The following BTG4 variants were observed in gnomAD, a reference collection of about 807,000 sequenced individuals.
The protein encoded by BTG4 is BTG anti-proliferation factor 4.
Under a neutral mutation model 19.3 loss-of-function variants are expected in BTG4, and 10 were observed. The observed-to-expected ratio is 0.52, with a 90% CI of 0.32 to 0.88. BTG4 has a LOEUF of 0.88. Among genes scored for constraint, BTG4 ranks in the 40% least tolerant of loss-of-function variants. The pLI, the probability that BTG4 is intolerant of heterozygous loss-of-function variation, is 0.04. For missense variants in BTG4, 238 were observed against 281.9 expected (o/e 0.84, Z 1.11); for synonymous variants, 91 against 95.7 (o/e 0.95, Z 0.29).
the BTG4 span, among the ~76,000 whole-genome samples, chr11:111,388,623 C>T: frequency 8.0e-4 from 122 of 152,292 alleles, 1 homozygote; most frequent in East Asian, 0.022. Flanking sequence ...CAGAAACAAT[C>T]GCATTCCTGT....
intron 4 of BTG4, among the ~76,000 whole-genome samples, chr11:111,495,913 GAA>G (rs1005439141): frequency 2.0e-5 from 3 of 152,008 alleles, no homozygotes; most frequent in Admixed American, 6.5e-5. Context: ...TAAGACTGAG[GAA>G]AAAAATGGCT....
At chr11:111,471,754 G>A (rs376014457) in intron 5 of BTG4, among the ~76,000 whole-genome samples, 17 of 152,224 alleles carry the variant, frequency 1.1e-4, no homozygotes, top group African/African-American at 3.9e-4. Context: ...ACCTCCAACT[G>A]TTTATTGGCC....
the BTG4 span, chr11:111,418,257 C>T: frequency 1.3e-5 from 2 of 152,186 alleles, no homozygotes; most frequent in African/African-American, 2.4e-5. Context: ...CTGGAAGGGA[C>T]TTTAAGAGAG....
chr11:111,413,435 G>C, the BTG4 span, among the ~76,000 whole-genome samples: 1 of 152,256 alleles, frequency 6.6e-6, no homozygotes, highest in Non-Finnish European at 1.5e-5. Context: ...TGCCCACATA[G>C]CAGTAGACTC....
intron 5 of BTG4, among the ~76,000 whole-genome samples, chr11:111,480,022 T>C (rs1864636304): frequency 6.6e-6 from 1 of 152,026 alleles, no homozygotes; most frequent in Admixed American, 6.6e-5. Flanking sequence ...ATGCAAATAG[T>C]CTAGAAACAC....
At chr11:111,405,632 G>A in the BTG4 span, among the ~76,000 whole-genome samples, 2 of 152,066 alleles carry the variant, frequency 1.3e-5, no homozygotes, top group East Asian at 1.9e-4. Context: ...GCCACTGCCA[G>A]AGTTCAGGGA....
chr11:111,449,482 T>C, the BTG4 span: 1 of 152,278 alleles, frequency 6.6e-6, no homozygotes, highest in Non-Finnish European at 1.5e-5. Context: ...GAATGACCAC[T>C]GTGCCCACGA....
At chr11:111,481,963 T>A (rs934976481) in intron 5 of BTG4, among the ~76,000 whole-genome samples, 4 of 151,576 alleles carry the variant, frequency 2.6e-5, no homozygotes, top group Admixed American at 6.6e-5. Context: ...AGCCAAAAGT[T>A]ACACCCATGA....
intron 5 of BTG4, among the ~76,000 whole-genome samples, chr11:111,479,698 G>C (rs866445116): frequency 6.6e-6 from 1 of 152,062 alleles, no homozygotes; most frequent in African/African-American, 2.4e-5. Flanking sequence ...AATATTTAAT[G>C]CAAGTATATT....
the BTG4 span, chr11:111,450,646 C>T: frequency 2.0e-5 from 3 of 152,376 alleles, no homozygotes; most frequent in African/African-American, 7.2e-5. Flanking sequence ...AAAGTTGAAG[C>T]TACCACGTGC....
the BTG4 span, among the ~76,000 whole-genome samples, chr11:111,437,893 T>C: frequency 6.6e-6 from 1 of 152,130 alleles, no homozygotes; most frequent in Non-Finnish European, 1.5e-5. Context: ...ACATGTCTAA[T>C]AGCCCAAGGA....
the BTG4 span, chr11:111,455,853 C>T: frequency 2.2e-6 from 1 of 455,724 alleles, no homozygotes; most frequent in Non-Finnish European, 4.4e-6. Flanking sequence ...TGGGCACCGG[C>T]ACTGGGGCGG....
chr11:111,436,992 C>G, the BTG4 span, among the ~76,000 whole-genome samples: 1 of 152,218 alleles, frequency 6.6e-6, no homozygotes, highest in South Asian at 2.1e-4. Context: ...AGAACAAAAG[C>G]CTAGCAGGTG....
chr11:111,385,593 T>C, the BTG4 span: 1 of 152,008 alleles, frequency 6.6e-6, no homozygotes, highest in African/African-American at 2.4e-5. Context: ...TATTATAATA[T>C]GTAAGATTTA....
At chr11:111,480,926 G>A (rs902772758) in intron 5 of BTG4, among the ~76,000 whole-genome samples, 1 of 150,726 alleles carries the variant, frequency 6.6e-6, no homozygotes, top group Non-Finnish European at 1.5e-5. Context: ...GCAAGCAGAA[G>A]AAAGGAAGTA....
chr11:111,408,954 A>T, the BTG4 span, among the ~76,000 whole-genome samples: 1 of 152,180 alleles, frequency 6.6e-6, no homozygotes, highest in African/African-American at 2.4e-5. Flanking sequence ...CAATCTGCTA[A>T]TGGGAGGGTG....
At chr11:111,388,711 G>T in the BTG4 span, among the ~76,000 whole-genome samples, 1 of 152,160 alleles carries the variant, frequency 6.6e-6, no homozygotes, top group Non-Finnish European at 1.5e-5. Context: ...AAAGCTCTCA[G>T]CCTCACTTCT....
exon 6 of BTG4, chr11:111,467,664 G>A (rs1479986674): frequency 2.6e-6 from 2 of 770,680 alleles, no homozygotes; most frequent in South Asian, 1.4e-5. Flanking sequence ...TTCATTCCCA[G>A]ATGTGGGTTA....
the BTG4 span, among the ~76,000 whole-genome samples, chr11:111,392,770 T>G: frequency 6.6e-6 from 1 of 152,168 alleles, no homozygotes; most frequent in Admixed American, 6.5e-5. Flanking sequence ...TAACATAGTT[T>G]GCTAGCTAAG....
Sources: gnomAD v4.1 joint callset for allele counts (sites outside exome capture counted in the v4.1 genomes callset) on GRCh38, gnomAD v4.1.1 for gene constraint, MANE v1.5 for transcripts, NCBI Gene and HGNC (gene_info 2026-07-23, HGNC 2026-07-21) for gene names.